Variants in PLCB4 observed in about 807,000 individuals in gnomAD.
PLCB4 encodes phospholipase C beta 4.
In PLCB4, 77 loss-of-function variants were observed where a neutral mutation model predicts 178.8. The ratio of observed to expected loss-of-function variants is 0.43; its 90% confidence interval spans 0.36 to 0.52. The LOEUF is 0.52. Ranked by LOEUF, PLCB4 falls within the 20% of genes least tolerant of loss-of-function variation. PLCB4 has a pLI of 0.00. For synonymous variants in PLCB4, 496 were observed against 490.8 expected (o/e 1.01, Z -0.14); for missense variants, 1,024 against 1,453.4 (o/e 0.70, Z 4.80).
chr20:9,324,899 G>A (rs189797639), intron 4 of PLCB4, among the ~76,000 whole-genome samples: 13 of 152,192 alleles, frequency 8.5e-5, no homozygotes, highest in Admixed American at 7.2e-4. Context: ...ATTTAAATGA[G>A]AAATGCATAT....
At chr20:9,386,858 T>G (rs1446444630) in intron 14 of PLCB4, among the ~76,000 whole-genome samples, 47 of 121,906 alleles carry the variant, frequency 3.9e-4, no homozygotes, top group African/African-American at 1.5e-3. Flanking sequence ...CAGCCCACAT[T>G]CATATTTCCC....
At chr20:9,204,823 A>G (rs2093597099) in intron 2 of PLCB4, among the ~76,000 whole-genome samples, 1 of 152,146 alleles carries the variant, frequency 6.6e-6, no homozygotes. Context: ...ACGTGTGATC[A>G]TTGAACATTT....
chr20:9,154,813 T>G (rs2092754319), intron 2 of PLCB4, among the ~76,000 whole-genome samples: 2 of 145,782 alleles, frequency 1.4e-5, no homozygotes, highest in Admixed American at 1.4e-4. Flanking sequence ...TTTCTTTTCC[T>G]TTCCTTTCCT....
chr20:9,240,870 A>G (rs1205862651), intron 3 of PLCB4, among the ~76,000 whole-genome samples: 1 of 152,148 alleles, frequency 6.6e-6, no homozygotes, highest in Non-Finnish European at 1.5e-5. Flanking sequence ...AACCCTGGCC[A>G]CTTAGGTAAA....
chr20:9,145,338 T>A (rs1383153874), intron 2 of PLCB4, among the ~76,000 whole-genome samples: 1 of 152,128 alleles, frequency 6.6e-6, no homozygotes, highest in African/African-American at 2.4e-5. Flanking sequence ...AAATAAAAGA[T>A]GCATCTTCAG....
chr20:9,208,895 C>T (rs2093642972), intron 2 of PLCB4, among the ~76,000 whole-genome samples: 1 of 152,162 alleles, frequency 6.6e-6, no homozygotes, highest in Non-Finnish European at 1.5e-5. Flanking sequence ...TGTGTAACTT[C>T]CCAATAATCA....
rs148632223 is a variant in PLCB4 at position 9,156,014 on chromosome 20, G to A, written c.-79+59672G>A. On this transcript the variant is annotated intron_variant, in intron 2 of 39. Transcript: ENST00000378473. Reference sequence around the variant, plus strand: ...AACTTCTCTTTATAGGTCAATATCCGTTGTCTTAGTCTGTTAAATTCTTCC... The same window carrying A: ...AACTTCTCTTTATAGGTCAATATCCATTGTCTTAGTCTGTTAAATTCTTCC... Among the ~76,000 whole-genome samples, 96 of 152,228 alleles carry A rather than the reference G, an allele frequency of 6.3e-4. No homozygotes were observed. In the East Asian group the frequency reaches 8.1e-3, roughly 13 times the overall value.
At chr20:9,412,476 G>A (rs2039926385) in intron 25 of PLCB4, among the ~76,000 whole-genome samples, 1 of 152,024 alleles carries the variant, frequency 6.6e-6, no homozygotes, top group Non-Finnish European at 1.5e-5. Context: ...GTCGCACAGG[G>A]TTTGTTGTAC....
At chr20:9,354,790 A>G (rs1016116682) in intron 7 of PLCB4, among the ~76,000 whole-genome samples, 1 of 152,238 alleles carries the variant, frequency 6.6e-6, no homozygotes, top group African/African-American at 2.4e-5. Context: ...AGCTTGTTAG[A>G]AATGCAGAAT....
chr20:9,210,540 C>T (rs535307732), intron 2 of PLCB4, among the ~76,000 whole-genome samples: 3 of 152,202 alleles, frequency 2.0e-5, no homozygotes, highest in Non-Finnish European at 2.9e-5. Flanking sequence ...GATCTGAAAA[C>T]CCAAGCTTTC....
chr20:9,375,387 T>A (rs1172315864), intron 12 of PLCB4, among the ~76,000 whole-genome samples: 5 of 152,162 alleles, frequency 3.3e-5, no homozygotes, highest in African/African-American at 7.2e-5. Flanking sequence ...ACCTAAACAT[T>A]TTCAAAATGC....
chr20:9,176,235 A>G (rs549887165), intron 2 of PLCB4, among the ~76,000 whole-genome samples: 2 of 152,182 alleles, frequency 1.3e-5, no homozygotes, highest in African/African-American at 4.8e-5. Flanking sequence ...ACATACTACC[A>G]CTTATTTACC....
intron 3 of PLCB4, among the ~76,000 whole-genome samples, chr20:9,301,527 G>A (rs1463651643): frequency 6.6e-6 from 1 of 152,076 alleles, no homozygotes; most frequent in Non-Finnish European, 1.5e-5. Flanking sequence ...GGTCTAGCAA[G>A]GAAGACAAGA....
At position 9,411,185 on chromosome 20, in the gene PLCB4, T is replaced by A; in HGVS notation, c.2051+97T>A. 2.5e-6 allele frequency: 2 copies of A among 813,280 alleles called. 1 individual carries two copies. The highest frequency in any genetic ancestry group is 4.1e-6 in the Non-Finnish European group (2 of 483,540). 50.4% of individuals were successfully genotyped at this position (813,280 alleles called of 1,614,324 possible). On this transcript the variant is annotated intron_variant, in intron 25 of 39. Coordinates refer to ENST00000378473, the MANE Select transcript of PLCB4 (RefSeq NM_001377142.1). ...CATTTTCAATTAGGGGCTACAGAAT[T>A]TAAGCTGGGTTTGAGGGATGGAATA...
intron 3 of PLCB4, among the ~76,000 whole-genome samples, chr20:9,244,460 G>A (rs2094102711): frequency 6.6e-6 from 1 of 152,214 alleles, no homozygotes; most frequent in Admixed American, 6.5e-5. Context: ...GTTACTTTCA[G>A]AAACTTAGTT....
intron 2 of PLCB4, among the ~76,000 whole-genome samples, chr20:9,140,658 G>A (rs962182084): frequency 6.6e-6 from 1 of 151,800 alleles, no homozygotes; most frequent in African/African-American, 2.4e-5. Flanking sequence ...AGAGCTGGTG[G>A]TTTAAAAGAG....
At chr20:9,469,354 G>A (rs1375155990) in intron 36 of PLCB4, among the ~76,000 whole-genome samples, 1 of 152,192 alleles carries the variant, frequency 6.6e-6, no homozygotes, top group Non-Finnish European at 1.5e-5. Context: ...CCCTGCTCAG[G>A]TGTCAGTCCG....
intron 2 of PLCB4, among the ~76,000 whole-genome samples, chr20:9,139,685 G>A (rs761635965): frequency 3.3e-5 from 5 of 151,472 alleles, no homozygotes; most frequent in Non-Finnish European, 5.9e-5. Flanking sequence ...TTCCCAGCAG[G>A]AGGAGTGACA....
chr20:9,086,200 C>T (rs1351533226), intron 1 of PLCB4, among the ~76,000 whole-genome samples: 1 of 152,032 alleles, frequency 6.6e-6, no homozygotes, highest in Non-Finnish European at 1.5e-5. Flanking sequence ...ATCTCAAACT[C>T]GTGTATGTAG....
Sources: gnomAD v4.1 joint callset for allele counts (sites outside exome capture counted in the v4.1 genomes callset) on GRCh38, gnomAD v4.1.1 for gene constraint, MANE v1.5 for transcripts, NCBI Gene and HGNC (gene_info 2026-07-23, HGNC 2026-07-21) for gene names.